NOX3: variants seen among roughly 807,000 people sequenced by gnomAD.
NOX3 encodes the protein NADPH oxidase 3, also known as NADPH oxidase catalytic subunit-like 3.
Under a neutral mutation model 76.7 loss-of-function variants are expected in NOX3, and 74 were observed. That is an observed-to-expected ratio of 0.96 (90% confidence interval 0.80 to 1.17). The LOEUF is 1.17. NOX3 is among the 50% of genes most tolerant of loss of function. The pLI is 0.00. For synonymous variants in NOX3, 263 were observed against 261.1 expected, an observed-to-expected ratio of 1.01 and a Z score of -0.07; for missense variants, 695 against 703.3, an observed-to-expected ratio of 0.99 and a Z score of 0.13.
At chr6:155,440,676 G>GA (rs1265662252) in intron 5 of NOX3, among the ~76,000 whole-genome samples, 4 of 91,160 alleles carry the variant, frequency 4.4e-5, no homozygotes, top group Non-Finnish European at 9.9e-5. Flanking sequence ...TGGGAAAAAA[G>GA]AAAAAACAAA....
intron 12 of NOX3, among the ~76,000 whole-genome samples, chr6:155,403,728 A>G (rs1447296417): frequency 6.6e-6 from 1 of 152,150 alleles, no homozygotes; most frequent in Non-Finnish European, 1.5e-5. Flanking sequence ...CCCTGCGAAA[A>G]AATTGGACAG....
chr6:155,437,508 A>G (rs935677364), intron 6 of NOX3, among the ~76,000 whole-genome samples: 2 of 152,172 alleles, frequency 1.3e-5, no homozygotes, highest in Non-Finnish European at 2.9e-5. Flanking sequence ...GTCAGCTAGA[A>G]CTGACATCTT....
intron 13 of NOX3, among the ~76,000 whole-genome samples, chr6:155,396,261 G>A (rs1779137076): frequency 6.6e-6 from 1 of 152,184 alleles, no homozygotes; most frequent in Non-Finnish European, 1.5e-5. Context: ...GATTTCTCCG[G>A]TCTACAGAGG....
chr6:155,415,842 A>G (rs1776615855), intron 10 of NOX3, among the ~76,000 whole-genome samples: 1 of 152,200 alleles, frequency 6.6e-6, no homozygotes, highest in Admixed American at 6.5e-5. Context: ...GTTAGCTGCT[A>G]TTGTTACTAT....
intron 11 of NOX3, among the ~76,000 whole-genome samples, chr6:155,409,513 C>T (rs567578992): frequency 2.6e-5 from 4 of 152,252 alleles, no homozygotes; most frequent in Admixed American, 6.5e-5. Context: ...GATATTTGTC[C>T]CATATTTCTC....
intron 11 of NOX3, among the ~76,000 whole-genome samples, chr6:155,410,842 C>T (rs141437772): frequency 6.6e-6 from 1 of 152,284 alleles, no homozygotes; most frequent in East Asian, 1.9e-4. Flanking sequence ...CTGAACAGCT[C>T]AAGGCACAGA....
At chr6:155,420,037 T>C (rs751790422) in intron 10 of NOX3, among the ~76,000 whole-genome samples, 22 of 152,152 alleles carry the variant, frequency 1.4e-4, no homozygotes, top group Non-Finnish European at 2.8e-4. Context: ...TATATATATA[T>C]ATGTATGAAG....
intron 11 of NOX3, 148 bp downstream of exon 11, chr6:155,411,066 G>C (rs231934): frequency 0.015 from 8,714 of 593,402 alleles, 104 homozygotes; most frequent in African/African-American, 0.05. Context: ...TGCTAATCTG[G>C]TTTTATTTTA....
intron 10 of NOX3, among the ~76,000 whole-genome samples, chr6:155,419,140 CA>C (rs539728139): frequency 2.3e-3 from 354 of 152,336 alleles, no homozygotes; most frequent in Non-Finnish European, 4.4e-3. Context: ...ATCTCAAAAG[CA>C]TGTAGGTAGC....
chr6:155,446,390 G>A (rs1411502728), intron 4 of NOX3, among the ~76,000 whole-genome samples: 21 of 152,120 alleles, frequency 1.4e-4, no homozygotes, highest in African/African-American at 5.1e-4. Flanking sequence ...AAAGCAGGTA[G>A]TACGTCTCAT....
chr6:155,419,712 C>T (rs1776665705), intron 10 of NOX3, among the ~76,000 whole-genome samples: 1 of 152,094 alleles, frequency 6.6e-6, no homozygotes, highest in Admixed American at 6.5e-5. Flanking sequence ...ACGCCACAAG[C>T]AGAGCCCAGG....
intron 4 of NOX3, among the ~76,000 whole-genome samples, chr6:155,443,808 A>G (rs746070044): frequency 3.3e-5 from 5 of 151,964 alleles, no homozygotes; most frequent in African/African-American, 7.3e-5. Flanking sequence ...TGTACATTAT[A>G]CATGCTGATA....
intron 11 of NOX3, among the ~76,000 whole-genome samples, chr6:155,409,460 C>T (rs1353919883): frequency 6.6e-6 from 1 of 152,148 alleles, no homozygotes; most frequent in African/African-American, 2.4e-5. Flanking sequence ...TCCCTACTTA[C>T]ACTTGTGGTA....
At chr6:155,422,575 G>A (rs1776703783) in intron 10 of NOX3, 119 bp downstream of exon 10, 2 of 898,234 alleles carry the variant, frequency 2.2e-6, no homozygotes, top group African/African-American at 1.7e-5. Flanking sequence ...TATAGTTAAG[G>A]ATCCTTGAGT....
At chr6:155,399,450 C>T (rs756438641) in intron 12 of NOX3, among the ~76,000 whole-genome samples, 2 of 152,138 alleles carry the variant, frequency 1.3e-5, no homozygotes, top group Non-Finnish European at 2.9e-5. Context: ...CAGCTAAGTC[C>T]ACACTTTACT....
intron 13 of NOX3, 94 bp downstream of exon 13, chr6:155,396,715 G>T: frequency 2.0e-6 from 2 of 976,520 alleles, no homozygotes; most frequent in South Asian, 2.1e-5. Context: ...TTGAGAGTCG[G>T]ACCATACAGT....
intron 6 of NOX3, among the ~76,000 whole-genome samples, chr6:155,437,562 T>C (rs1776924711): frequency 1.3e-5 from 2 of 152,320 alleles, no homozygotes; most frequent in East Asian, 3.9e-4. Context: ...CCAAACTTGA[T>C]AACATCCCTC....
At chr6:155,396,155 A>G (rs1371164106) in intron 13 of NOX3, among the ~76,000 whole-genome samples, 2 of 152,214 alleles carry the variant, frequency 1.3e-5, no homozygotes, top group African/African-American at 4.8e-5. Flanking sequence ...TTAAAAATTT[A>G]GTATTGTTTG....
chr6:155,429,377 A>G (rs1319246992), intron 8 of NOX3, among the ~76,000 whole-genome samples: 1 of 152,188 alleles, frequency 6.6e-6, no homozygotes, highest in African/African-American at 2.4e-5. Flanking sequence ...AAGCTTGCAT[A>G]TTATTATGCT....
Sources: allele counts gnomAD v4.1 joint callset (sites outside exome capture counted in the v4.1 genomes callset), GRCh38; gene constraint gnomAD v4.1.1; transcripts MANE v1.5; gene names NCBI Gene and HGNC (gene_info 2026-07-23, HGNC 2026-07-21).